The following CAMK2B variants were observed in gnomAD, a reference collection of about 807,000 sequenced individuals.
CAMK2B encodes calcium/calmodulin-dependent protein kinase type II subunit beta.
In CAMK2B, 27 loss-of-function variants were observed where a neutral mutation model predicts 93.7. That is an observed-to-expected ratio of 0.29 (90% CI 0.21 to 0.40). The LOEUF (loss-of-function observed/expected upper bound fraction) is 0.40. Among genes scored for constraint, CAMK2B ranks in the 10% least tolerant of loss-of-function variants. The pLI, the probability that CAMK2B is intolerant of heterozygous loss-of-function variation, is 1.00. For missense variants in CAMK2B, 568 were observed against 895.8 expected (o/e 0.63, Z 4.67); for synonymous variants, 374 against 358.8 (o/e 1.04, Z -0.48).
intron 6 of CAMK2B, among the ~76,000 whole-genome samples, chr7:44,244,100 C>G (rs2096708006): frequency 6.6e-6 from 1 of 152,198 alleles, no homozygotes; most frequent in Non-Finnish European, 1.5e-5. Context: ...GCCCTCAGCA[C>G]TAGGGGCAGC....
chr7:44,258,643 A>G (rs572501097), intron 4 of CAMK2B, among the ~76,000 whole-genome samples: 2 of 152,340 alleles, frequency 1.3e-5, no homozygotes, highest in African/African-American at 4.8e-5. Flanking sequence ...CCAGGATGTC[A>G]GCCCTGCCTC....
chr7:44,237,490 C>T (rs1202288006), intron 13 of CAMK2B, among the ~76,000 whole-genome samples: 1 of 152,226 alleles, frequency 6.6e-6, no homozygotes, highest in Non-Finnish European at 1.5e-5. Context: ...AAACATCCTT[C>T]CTTGTGAACC....
chr7:44,299,633 T>C (rs1253586165), intron 1 of CAMK2B, among the ~76,000 whole-genome samples: 1 of 152,220 alleles, frequency 6.6e-6, no homozygotes, highest in Admixed American at 6.5e-5. Context: ...TCTACATTAA[T>C]TAGAGAAAAC....
rs377580180 is a variant in CAMK2B, at chr7:44,279,156, C to T, written c.160+4975G>A. 3.7e-4 allele frequency among the ~76,000 whole-genome samples: 56 copies of T among 151,136 alleles called. 2 individuals are homozygous for T. The South Asian group carries it at 0.011, about 31-fold the overall frequency. ...AAGCTCCTGTGGCTGTTTTTGGAAC[C>T]CTTTTCTGCTAGGGATGCATGCTGA... On this transcript the variant is annotated intron_variant, in intron 2 of 23. Transcript: ENST00000395749.
At chr7:44,298,470 T>C (rs1471681533) in intron 1 of CAMK2B, among the ~76,000 whole-genome samples, 1 of 152,184 alleles carries the variant, frequency 6.6e-6, no homozygotes, top group Non-Finnish European at 1.5e-5. Context: ...CTTCATAACA[T>C]TGGATTTGGC....
chr7:44,258,776 G>A (rs1460184079), intron 4 of CAMK2B, 96 bp downstream of exon 4: 3 of 1,123,218 alleles, frequency 2.7e-6, no homozygotes, highest in African/African-American at 1.5e-5. Flanking sequence ...CAGCCCACGG[G>A]TAGGGACTAT....
rs1453982697 is a variant in CAMK2B at position 44,224,166 on chromosome 7, G to A, written c.1597+2350C>T. ...AGAGTGGTAACCGTGCTGAAGTACGGGAAGCAGGTCCGTTGTGAGACCCAC... is the reference window on the plus strand; with the variant it reads ...AGAGTGGTAACCGTGCTGAAGTACGAGAAGCAGGTCCGTTGTGAGACCCAC... On this transcript the variant is annotated intron_variant, in intron 20 of 23. Transcript: ENST00000395749. This position sits in a 1 kb window ranked among gnomAD's most constrained non-coding sequence, Gnocchi z 4.4. Among the ~76,000 whole-genome samples the A allele has an allele frequency of 1.3e-5, 2 of 152,202 alleles. No individual in the cohort carries two copies. The highest frequency in any genetic ancestry group is 4.8e-5 in the African/African-American group (2 of 41,446).
At chr7:44,245,148 G>A (rs1284239117) in intron 6 of CAMK2B, 1 of 365,254 alleles carries the variant, frequency 2.7e-6, no homozygotes, top group Non-Finnish European at 5.5e-6. Context: ...GGAGCGTTAA[G>A]TGAACATGGA....
intron 1 of CAMK2B, among the ~76,000 whole-genome samples, chr7:44,318,203 A>G (rs537987429): frequency 3.7e-4 from 56 of 152,214 alleles, no homozygotes; most frequent in Non-Finnish European, 7.1e-4. Context: ...CTCATTAAGA[A>G]ATTAGCTGAA....
Position 44,225,732 on chromosome 7 carries a change from A to C in CAMK2B, c.1597+784T>G. 7.8e-7 allele frequency: 1 copy of C among 1,289,090 alleles called. No individual in the cohort carries two copies. Among genetic ancestry groups the C allele is most frequent in the Non-Finnish European group, 1.0e-6 (1 of 988,560 alleles). The allele number at this position is 1,289,090 out of a possible 1,614,324, so 79.9% of individuals were successfully genotyped here. On this transcript the variant is annotated intron_variant, in intron 20 of 23. Coordinates refer to ENST00000395749, the MANE Select transcript of CAMK2B (RefSeq NM_001220.5). This position sits in a 1 kb window ranked among gnomAD's most constrained non-coding sequence, Gnocchi z 5.0. ...CCAGCCTGCAGAGGGGACGGTGGCA[A>C]GCAGACCCCACCTGTCCCTCAAGTA...
chr7:44,284,743 T>C (rs568841768), intron 1 of CAMK2B, among the ~76,000 whole-genome samples: 5 of 152,200 alleles, frequency 3.3e-5, no homozygotes, highest in Non-Finnish European at 7.3e-5. Flanking sequence ...TTGGGATTTG[T>C]GCAGTCAGAC....
intron 1 of CAMK2B, among the ~76,000 whole-genome samples, chr7:44,296,134 A>G (rs977287601): frequency 4.6e-5 from 7 of 152,240 alleles, no homozygotes; most frequent in African/African-American, 1.7e-4. Flanking sequence ...AACCAGACTC[A>G]GATATGGCAT....
intron 2 of CAMK2B, among the ~76,000 whole-genome samples, chr7:44,274,759 C>T (rs1225249741): frequency 6.6e-6 from 1 of 152,244 alleles, no homozygotes; most frequent in African/African-American, 2.4e-5. Flanking sequence ...GCAGGAAGGA[C>T]CAGGGGAGGG....
At chr7:44,285,842 GT>G (rs1784911936) in intron 1 of CAMK2B, among the ~76,000 whole-genome samples, 1 of 95,658 alleles carries the variant, frequency 1.0e-5, no homozygotes, top group Non-Finnish European at 2.2e-5. Flanking sequence ...GGGGCGCGGT[GT>G]GGGGGGGACA....
chr7:44,258,991 G>A (rs2096857078), intron 3 of CAMK2B, 65 bp from the exon 4 acceptor site: 5 of 1,406,736 alleles, frequency 3.6e-6, no homozygotes, highest in South Asian at 2.4e-5. Context: ...GCCTGCCTCC[G>A]TACCTGTCCA....
chr7:44,304,948 T>G (rs1433097090), intron 1 of CAMK2B, among the ~76,000 whole-genome samples: 2 of 150,824 alleles, frequency 1.3e-5, no homozygotes, highest in African/African-American at 2.5e-5. Flanking sequence ...AGAAAAAAAT[T>G]GTATCTTTAA....
intron 6 of CAMK2B, 73 bp from the exon 7 acceptor site, chr7:44,243,600 G>T (rs1030959279): frequency 8.2e-7 from 1 of 1,224,470 alleles, no homozygotes; most frequent in Non-Finnish European, 1.2e-6. Context: ...TGGGTGGGGG[G>T]TTACAAAACA....
At chr7:44,251,199 C>T (rs910750332) in intron 5 of CAMK2B, among the ~76,000 whole-genome samples, 2 of 152,170 alleles carry the variant, frequency 1.3e-5, no homozygotes, top group African/African-American at 2.4e-5. Context: ...CATCCTGTCC[C>T]GCGCCTGTCC....
chr7:44,246,303 G>A (rs144301171), intron 6 of CAMK2B, among the ~76,000 whole-genome samples: 278 of 152,210 alleles, frequency 1.8e-3, no homozygotes, highest in African/African-American at 6.5e-3. Context: ...GCCCAGGCTG[G>A]AGTGCGGTGT....
Sources: allele counts gnomAD v4.1 joint callset (sites outside exome capture counted in the v4.1 genomes callset), GRCh38; gene constraint gnomAD v4.1.1; non-coding constraint Gnocchi (gnomAD v3.1); transcripts MANE v1.5; gene names NCBI Gene and HGNC (gene_info 2026-07-23, HGNC 2026-07-21).